GRID2: variants seen among roughly 807,000 people sequenced by gnomAD.
GRID2 encodes glutamate receptor ionotropic, delta-2.
Under a neutral mutation model 114.8 loss-of-function variants are expected in GRID2, and 33 were observed. That is an observed-to-expected ratio of 0.29 (90% CI 0.22 to 0.38). GRID2 has a LOEUF of 0.38. GRID2 is among the 10% of genes least tolerant of loss of function. GRID2 has a pLI of 1.00. For missense variants in GRID2, 1,184 were observed against 1,257.7 expected (o/e 0.94, Z 0.89); for synonymous variants, 505 against 449.9 (o/e 1.12, Z -1.55).
intron 3 of GRID2, among the ~76,000 whole-genome samples, chr4:93,092,869 T>C (rs772563792): frequency 1.1e-4 from 16 of 151,604 alleles, no homozygotes; most frequent in Admixed American, 4.6e-4. Context: ...CACACACACA[T>C]ATATATGTGT....
chr4:93,249,432 G>T (rs1032709294), intron 8 of GRID2, among the ~76,000 whole-genome samples: 10 of 152,056 alleles, frequency 6.6e-5, no homozygotes, highest in African/African-American at 2.4e-4. Context: ...TAGCTTGATG[G>T]GGATAGCAAT....
intron 8 of GRID2, among the ~76,000 whole-genome samples, chr4:93,266,580 T>C (rs1192382371): frequency 6.6e-6 from 1 of 151,916 alleles, no homozygotes; most frequent in Non-Finnish European, 1.5e-5. Context: ...AATGAACATG[T>C]CACTTGTATT....
intron 2 of GRID2, among the ~76,000 whole-genome samples, chr4:92,714,660 C>T (rs1006618583): frequency 6.6e-5 from 10 of 152,170 alleles, no homozygotes; most frequent in African/African-American, 1.9e-4. Context: ...TCTATGCACC[C>T]ACAGGCTCAA....
Position 93,455,659 on chromosome 4 carries a change from C to T in GRID2, c.1546-3C>T, listed in dbSNP as rs1361651567. 2.5e-6 allele frequency: 4 copies of T among 1,599,082 alleles called. No individual in the cohort carries two copies. The highest frequency in any genetic ancestry group is 1.1e-5 in the South Asian group (1 of 90,734). ...TGTATTCCTTTCTCTTTCAATTTCT[C>T]AGAGAGCCGACATAGGGATTTCTGC... is the stretch of plus-strand genomic sequence containing the variant. On this transcript the variant is annotated splice_region_variant and splice_polypyrimidine_tract_variant and intron_variant, in intron 10 of 15. Coordinates refer to ENST00000282020, the MANE Select transcript of GRID2 (RefSeq NM_001510.4).
At chr4:93,733,301 T>G (rs1730647738) in intron 14 of GRID2, among the ~76,000 whole-genome samples, 1 of 152,142 alleles carries the variant, frequency 6.6e-6, no homozygotes, top group Non-Finnish European at 1.5e-5. Flanking sequence ...CATATGGACT[T>G]TTCAGCCTGC....
At chr4:93,315,560 C>A (rs1287911368) in intron 8 of GRID2, among the ~76,000 whole-genome samples, 1 of 152,090 alleles carries the variant, frequency 6.6e-6, no homozygotes. Flanking sequence ...TTGTTTGTCT[C>A]ATTTCCTGCA....
At chr4:93,084,660 T>G (rs1173361998) in intron 2 of GRID2, among the ~76,000 whole-genome samples, 24 of 152,230 alleles carry the variant, frequency 1.6e-4, no homozygotes, top group Admixed American at 1.6e-3. Context: ...TAATTGAATA[T>G]CTATCATGTG....
At chr4:93,681,351 A>G (rs1387553420) in intron 14 of GRID2, among the ~76,000 whole-genome samples, 6 of 151,444 alleles carry the variant, frequency 4.0e-5, no homozygotes, top group African/African-American at 1.5e-4. Flanking sequence ...TGACCATACT[A>G]CCCAAAGTAA....
intron 13 of GRID2, among the ~76,000 whole-genome samples, chr4:93,623,078 CTGATT>C (rs1742359815): frequency 6.6e-6 from 1 of 152,048 alleles, no homozygotes; most frequent in Non-Finnish European, 1.5e-5. Flanking sequence ...ATTTGCCACA[CTGATT>C]TGATTTATCG....
chr4:93,240,195 C>A (rs1222562005), intron 8 of GRID2, among the ~76,000 whole-genome samples: 1 of 151,628 alleles, frequency 6.6e-6, no homozygotes, highest in Non-Finnish European at 1.5e-5. Context: ...ATATCTTGAA[C>A]TTTACCAGAT....
intron 2 of GRID2, among the ~76,000 whole-genome samples, chr4:92,843,507 T>G (rs1371459248): frequency 6.6e-6 from 1 of 152,130 alleles, no homozygotes; most frequent in East Asian, 1.9e-4. Flanking sequence ...AATGGTAATA[T>G]TAAATTATAA....
Position 93,188,558 on chromosome 4 carries a change from C to T in GRID2, c.736-18846C>T, listed in dbSNP as rs577957472. 2.6e-5 allele frequency among the ~76,000 whole-genome samples: 4 copies of T among 152,288 alleles called. No individual in the cohort carries two copies. In the South Asian group the frequency reaches 8.3e-4, roughly 32 times the overall value. ...TTGATGAATAAGAGCCCCTGGCTTC[C>T]ACCAATCCATAGTAACCTTATCAAA... On this transcript the variant is annotated intron_variant, in intron 4 of 15. Transcript: ENST00000282020.
chr4:92,760,619 C>T (rs1210846582), intron 2 of GRID2, among the ~76,000 whole-genome samples: 1 of 152,184 alleles, frequency 6.6e-6, no homozygotes, highest in Admixed American at 6.5e-5. Context: ...CTCTCACACA[C>T]TGCCAAATTG....
At chr4:93,627,460 A>C (rs1380473564) in intron 14 of GRID2, among the ~76,000 whole-genome samples, 2 of 152,190 alleles carry the variant, frequency 1.3e-5, no homozygotes, top group Non-Finnish European at 2.9e-5. Context: ...AACCTCTCTC[A>C]TGACATGCAA....
At chr4:92,942,343 T>C (rs1400848989) in intron 2 of GRID2, among the ~76,000 whole-genome samples, 1 of 152,198 alleles carries the variant, frequency 6.6e-6, no homozygotes, top group East Asian at 1.9e-4. Flanking sequence ...TTGTCTCTTC[T>C]GATATTTGTT....
intron 8 of GRID2, among the ~76,000 whole-genome samples, chr4:93,385,071 C>G (rs1349725963): frequency 6.6e-6 from 1 of 152,166 alleles, no homozygotes; most frequent in Non-Finnish European, 1.5e-5. Flanking sequence ...TAAAAATACT[C>G]AGAGGCATAC....
chr4:92,922,175 C>T (rs754472587), intron 2 of GRID2, among the ~76,000 whole-genome samples: 16 of 152,158 alleles, frequency 1.1e-4, no homozygotes, highest in Admixed American at 3.3e-4. Context: ...CGTGGTGTGC[C>T]GCTTGCTAAG....
chr4:93,510,892 T>G (rs937535586), intron 12 of GRID2, among the ~76,000 whole-genome samples: 41 of 152,318 alleles, frequency 2.7e-4, no homozygotes, highest in Admixed American at 2.0e-3. Context: ...GTCAGATATA[T>G]CTAATAGACT....
At chr4:92,388,963 A>G (rs1370731622) in intron 1 of GRID2, among the ~76,000 whole-genome samples, 3 of 152,112 alleles carry the variant, frequency 2.0e-5, no homozygotes, top group Non-Finnish European at 4.4e-5. Context: ...GGGAGTTTAC[A>G]ACGCCTTTCA....
Sources: allele counts gnomAD v4.1 joint callset (sites outside exome capture counted in the v4.1 genomes callset), GRCh38; gene constraint gnomAD v4.1.1; transcripts MANE v1.5; gene names NCBI Gene and HGNC (gene_info 2026-07-23, HGNC 2026-07-21).